Variants in MGST2 observed in about 807,000 individuals in gnomAD.
MGST2 encodes glutathione peroxidase MGST2.
MGST2 carries 9 observed loss-of-function variants against 16.6 expected under a neutral mutation model. The ratio of observed to expected loss-of-function variants is 0.54; its 90% CI spans 0.33 to 0.95. The LOEUF is 0.95. MGST2 is among the 40% of genes least tolerant of loss of function. MGST2 has a pLI of 0.03. For synonymous variants in MGST2, 79 were observed against 68.0 expected (o/e 1.16, Z -0.79); for missense variants, 159 against 175.1 (o/e 0.91, Z 0.52).
At chr4:139,731,195 C>T (rs920743253) in intron 5 of MGST2, 3 of 160,580 alleles carry the variant, frequency 1.9e-5, no homozygotes, top group African/African-American at 7.2e-5. Context: ...CATTTGAGAG[C>T]TTAGATATAT....
downstream of MGST2, among the ~76,000 whole-genome samples, chr4:139,706,001 C>G (rs1459687772): frequency 3.3e-5 from 5 of 152,112 alleles, no homozygotes; most frequent in Admixed American, 1.3e-4. Flanking sequence ...GGGCTTGAGT[C>G]TGGTGTGGGC....
intron 1 of MGST2, among the ~76,000 whole-genome samples, chr4:139,675,790 T>A (rs1730927445): frequency 1.3e-5 from 2 of 152,240 alleles, no homozygotes; most frequent in Admixed American, 1.3e-4. Context: ...TTGGTCCATA[T>A]TAGCCACATA....
At chr4:139,719,621 G>A in intron 5 of MGST2, 1 of 1,612,584 alleles carries the variant, frequency 6.2e-7, no homozygotes, top group Non-Finnish European at 8.5e-7. Context: ...CGCCTGGCTG[G>A]TGCCTTGCTG....
At chr4:139,723,627 A>G (rs1728348496) in intron 5 of MGST2, among the ~76,000 whole-genome samples, 1 of 152,112 alleles carries the variant, frequency 6.6e-6, no homozygotes, top group South Asian at 2.1e-4. Context: ...AGAAGTTTTT[A>G]ACTGGACCCA....
At chr4:139,751,421 C>T in the MGST2 span, among the ~76,000 whole-genome samples, 3 of 152,162 alleles carry the variant, frequency 2.0e-5, no homozygotes, top group African/African-American at 7.2e-5. Context: ...ACGTTATACA[C>T]ATAGTGTGAA....
chr4:139,715,619 T>C lies in MGST2; in HGVS notation c.*48+11423T>C, dbSNP rs1727918675. 6.6e-6 allele frequency among the ~76,000 whole-genome samples: 1 copy of C among 152,210 alleles called. No homozygotes were observed. The highest frequency in any genetic ancestry group is 2.4e-5 in the African/African-American group (1 of 41,460). ...GGTTGTCCATTTTTATGGTTATCTCTTGATGATATGCTAAACAAGGGGTGC... is the reference window on the plus strand; with the variant it reads ...GGTTGTCCATTTTTATGGTTATCTCCTGATGATATGCTAAACAAGGGGTGC... On this transcript the variant is annotated intron_variant, in intron 5 of 5. Transcript: ENST00000616265. The surrounding 1 kb of genome is among the most constrained non-coding windows in gnomAD (Gnocchi z 4.4).
chr4:139,695,238 T>G lies in MGST2; in HGVS notation c.200T>G (p.Leu67Trp). The G allele has an allele frequency of 6.2e-7, 1 of 1,613,440 alleles. No individual in the cohort carries two copies. Among genetic ancestry groups the G allele is most frequent in the South Asian group, 1.1e-5 (1 of 91,068 alleles). ...TTTTATCCTATATTCATAATTACAT[T>G]GTGGATGGCTGGGTGGTATTTCAAC... The part of the protein sequence containing the change: ...VEFYPIFIIT[L>W]WMAGWYFNQV... The change falls in exon 3 of 5, where the codon TTG (leucine) becomes TGG (tryptophan). Residue 67 changes from leucine to tryptophan, a missense_variant. Transcript: ENST00000265498.
chr4:139,739,742 C>T (rs999031022), intron 5 of MGST2, among the ~76,000 whole-genome samples: 3 of 136,350 alleles, frequency 2.2e-5, no homozygotes, highest in Non-Finnish European at 4.7e-5. Flanking sequence ...AAGAAAAAAG[C>T]AGTTTCTAAA....
chr4:139,723,828 C>G (rs1309314735), intron 5 of MGST2, among the ~76,000 whole-genome samples: 1 of 152,134 alleles, frequency 6.6e-6, no homozygotes, highest in Non-Finnish European at 1.5e-5. Flanking sequence ...AAGCGTGGTT[C>G]CCTAGCTAGC....
rs982658344 is a variant in MGST2 at position 139,704,226 on chromosome 4, TAA to T, written c.*80_*81del. On this transcript the variant is annotated 3_prime_UTR_variant, in exon 5 of 5. Coordinates refer to ENST00000265498, the MANE Select transcript of MGST2 (RefSeq NM_002413.5). ...TATGGTATCATTTGTTAAATAAAAA[TAA>T]AGTCTTTATTCTGTTTTTCTTGAAA... 1.3e-6 allele frequency: 2 copies of T among 1,535,992 alleles called. No homozygotes were observed. Among genetic ancestry groups the T allele is most frequent in the Admixed American group, 3.3e-5 (2 of 59,716 alleles).
chr4:139,697,284 C>T (rs947735194), intron 3 of MGST2, among the ~76,000 whole-genome samples: 1 of 152,178 alleles, frequency 6.6e-6, no homozygotes, highest in East Asian at 1.9e-4. Flanking sequence ...CTCTTCTTTA[C>T]TAATAAATGT....
chr4:139,681,346 C>T (rs1270169562), intron 2 of MGST2, among the ~76,000 whole-genome samples: 1 of 152,030 alleles, frequency 6.6e-6, no homozygotes, highest in Admixed American at 6.6e-5. Flanking sequence ...TATTTCTTCC[C>T]CCAGATTTCC....
intron 1 of MGST2, among the ~76,000 whole-genome samples, chr4:139,668,389 C>T (rs1436225536): frequency 2.6e-5 from 4 of 152,166 alleles, no homozygotes; most frequent in East Asian, 1.9e-4. Context: ...AGAATGTAGA[C>T]TTTCCCCACA....
At chr4:139,734,927 C>A (rs1023288699) in intron 5 of MGST2, among the ~76,000 whole-genome samples, 1 of 152,232 alleles carries the variant, frequency 6.6e-6, no homozygotes, top group Non-Finnish European at 1.5e-5. Flanking sequence ...TTCCAGGCGT[C>A]CCTCGCCGGG....
rs57079761 is a variant in MGST2, at chr4:139,667,732, C to T, written c.58+1655C>T. On this transcript the variant is annotated intron_variant, in intron 1 of 4. Coordinates refer to ENST00000265498, the MANE Select transcript of MGST2 (RefSeq NM_002413.5). ...AATTTGCTGGACATGGTGGCACGCTCCTGTAGTCCCAGCTACTAGGGAGGC... is the reference window on the plus strand; with the variant it reads ...AATTTGCTGGACATGGTGGCACGCTTCTGTAGTCCCAGCTACTAGGGAGGC... Among the ~76,000 whole-genome samples the T allele has an allele frequency of 5.6e-4, 85 of 152,148 alleles. 1 individual carries two copies. The East Asian group carries it at 0.015, about 27-fold the overall frequency.
chr4:139,717,342 A>G (rs1728018583), intron 5 of MGST2: 1 of 152,504 alleles, frequency 6.6e-6, no homozygotes, highest in Non-Finnish European at 1.5e-5. Flanking sequence ...TTTCAGGAAA[A>G]GGTAATTATG....
chr4:139,720,258 G>A, intron 5 of MGST2: 3 of 1,596,272 alleles, frequency 1.9e-6, no homozygotes, highest in Non-Finnish European at 2.6e-6. Flanking sequence ...TGTGCCATCA[G>A]CCGTGACGTT....
intron 5 of MGST2, among the ~76,000 whole-genome samples, chr4:139,728,824 CG>C (rs1440389285): frequency 6.6e-6 from 1 of 152,162 alleles, no homozygotes; most frequent in African/African-American, 2.4e-5. Context: ...CTGGCCTCAC[CG>C]TGTGGGAACA....
chr4:139,700,945 C>G (rs1289709141), intron 3 of MGST2, among the ~76,000 whole-genome samples: 2 of 152,238 alleles, frequency 1.3e-5, no homozygotes, highest in African/African-American at 4.8e-5. Flanking sequence ...CCCCATCACT[C>G]TCTTTCTTTT....
Sources: allele counts gnomAD v4.1 joint callset (sites outside exome capture counted in the v4.1 genomes callset), GRCh38; gene constraint gnomAD v4.1.1; non-coding constraint Gnocchi (gnomAD v3.1); transcripts MANE v1.5; gene names NCBI Gene and HGNC (gene_info 2026-07-23, HGNC 2026-07-21).